Variants in SLC5A9 observed in about 807,000 individuals in gnomAD.
The protein encoded by SLC5A9 is solute carrier family 5 member 9, also known as sodium/glucose cotransporter 4.
A neutral mutation model predicts 70.9 loss-of-function variants in SLC5A9; 59 were observed. That is an observed-to-expected ratio of 0.83 (90% CI 0.68 to 1.03). The LOEUF is 1.03. Ranked by LOEUF, SLC5A9 falls within the 50% of genes least tolerant of loss-of-function variation. The probability of loss-of-function intolerance (pLI) is 0.00; values close to 1 mark genes in which losing one functional copy is unlikely to be tolerated. For synonymous variants in SLC5A9, 340 were observed against 346.5 expected (o/e 0.98, Z 0.21); for missense variants, 832 against 881.1 (o/e 0.94, Z 0.71).
Position 48,230,642 on chromosome 1 carries a change from G to A in SLC5A9, c.547G>A (p.Gly183Ser). The change falls in exon 5 of 14, where the codon GGC (glycine) becomes AGC (serine). Residue 183 changes from glycine to serine, a missense_variant. Gly to Ser is a moderately conservative substitution (Grantham distance 56). Transcript: ENST00000438567. ...AGCCCTCTTCATCCAGATGGCATTG[G>A]GCTGGAACCTGTACCTCTCCACAGG... The part of the protein sequence containing the change: ...SGALFIQMAL[G>S]WNLYLSTGIL... The A allele has an allele frequency of 6.2e-7, 1 of 1,614,114 alleles. No homozygotes were observed. Among genetic ancestry groups the A allele is most frequent in the Non-Finnish European group, 8.5e-7 (1 of 1,180,018 alleles).
In SLC5A9 at chr1:48,247,434, A is replaced by G. The variant is rs1476849415; in HGVS notation, c.1937A>G (p.Glu646Gly). ...ALSPAEKAAL[E>G]QKLTSIEEEP... ...AGCCCAGCAGAGAAGGCTGCGCTAG[A>G]ACAGAAGCTGACAAGCATTGAGGAG... Residue 646 changes from glutamate (E) to glycine (G), a missense_variant, in exon 14 of 14, where the codon GAA (glutamate) becomes GGA (glycine). Transcript: ENST00000438567. The G allele has an allele frequency of 6.2e-7, 1 of 1,614,044 alleles. No individual in the cohort carries two copies. Among genetic ancestry groups the G allele is most frequent in the Non-Finnish European group, 8.5e-7 (1 of 1,180,034 alleles).
chr1:48,227,201 T>TGTGC lies in SLC5A9; in HGVS notation c.235-1646_235-1645insCGTG, dbSNP rs569690850. ...CGTGTGTGTGTGTACTGTGCCTGTGTGTGAGTGCATGTGTGTGTGCATGTG... is the reference window on the plus strand; with the variant it reads ...CGTGTGTGTGTGTACTGTGCCTGTGTGTGCGTGAGTGCATGTGTGTGTGCATGTG... On this transcript the variant is annotated intron_variant, in intron 2 of 13. Coordinates refer to ENST00000438567, the MANE Select transcript of SLC5A9 (RefSeq NM_001011547.3). Among the ~76,000 whole-genome samples, 2,089 of 139,238 alleles carry TGTGC rather than the reference T, an allele frequency of 0.015. 112 individuals are homozygous for TGTGC. In the East Asian group the frequency reaches 0.16, roughly 11 times the overall value. 91.3% of individuals were successfully genotyped at this position (139,238 alleles called of 152,430 possible). A position where few individuals can be genotyped will look rare whatever the true frequency, so the allele number is the denominator to read the frequency against.
Position 48,222,877 on chromosome 1 carries a change from C to A in SLC5A9, c.141C>A (p.Phe47Leu). 6.2e-7 allele frequency: 1 copy of A among 1,614,014 alleles called. No individual in the cohort carries two copies. The highest frequency in any genetic ancestry group is 8.5e-7 in the Non-Finnish European group (1 of 1,179,990). ...GCGTGGTGGTCATCTACTTTGTCTT[C>A]GTCATTGCTGTGGGGATCTGGGTAA... ...DISVVVIYFV[F>L]VIAVGIWSSI... Residue 47 changes from phenylalanine (F) to leucine (L), a missense_variant, in exon 1 of 14, where the codon TTC (phenylalanine) becomes TTA (leucine). By Grantham distance (22) the Phe-to-Leu change is conservative. Transcript: ENST00000438567.
intron 4 of SLC5A9, among the ~76,000 whole-genome samples, chr1:48,230,244 G>A (rs1051329500): frequency 4.6e-5 from 7 of 152,154 alleles, no homozygotes; most frequent in Non-Finnish European, 1.0e-4. Context: ...CAACTCTCCG[G>A]TTCTTCCTCT....
At chr1:48,234,687 G>A (rs988687744) in intron 9 of SLC5A9, among the ~76,000 whole-genome samples, 2 of 152,150 alleles carry the variant, frequency 1.3e-5, no homozygotes, top group Non-Finnish European at 2.9e-5. Context: ...AGAGAGGTGG[G>A]ATTATGGAGG....
Position 48,239,658 on chromosome 1 carries a change from C to T in SLC5A9, c.1677+121C>T, listed in dbSNP as rs1644370402. On this transcript the variant is annotated intron_variant, in intron 12 of 13. Coordinates refer to ENST00000438567, the MANE Select transcript of SLC5A9 (RefSeq NM_001011547.3). The surrounding 1 kb of genome is among the most constrained non-coding windows in gnomAD (Gnocchi z 4.2). ...GTCTCCCCTGTGGCCACACAGATGT[C>T]CTTGGGAGGGAAAGTGCCTTGGGCT... is the stretch of plus-strand genomic sequence containing the variant. The T allele has an allele frequency of 5.5e-6, 5 of 914,836 alleles. No homozygotes were observed. Among genetic ancestry groups the T allele is most frequent in the Non-Finnish European group, 8.5e-6 (5 of 588,116 alleles). The allele number at this position is 914,836 out of a possible 1,614,324, so 56.7% of individuals were successfully genotyped here.
intron 2 of SLC5A9, 114 bp from the exon 3 acceptor site, chr1:48,228,736 C>G (rs1191158380): frequency 6.6e-7 from 1 of 1,507,396 alleles, no homozygotes. Context: ...AATGCAGTGC[C>G]TGGCATACAG....
rs768808902 is a variant in SLC5A9, at chr1:48,242,593, G to A, written c.1814G>A (p.Ser605Asn). 1.9e-6 allele frequency: 3 copies of A among 1,612,088 alleles called. No individual in the cohort carries two copies. In the African/African-American group the frequency reaches 4.0e-5, roughly 22 times the overall value. ...GGAGGTGGAGCGGCAGAGAACTCGA[G>A]CCTGGGCCAGGAGCAGCCTGAAGGT... ...PAGGGAAENS[S>N]LGQEQPEAPS... is the part of the protein sequence containing the mutation. Residue 605 changes from serine to asparagine, a missense_variant, in exon 13 of 14, where the codon AGC becomes AAC. By Grantham distance (46) the Ser-to-Asn change is conservative. Coordinates refer to ENST00000438567, the MANE Select transcript of SLC5A9 (RefSeq NM_001011547.3).
chr1:48,244,874 A>G (rs7413497), intron 13 of SLC5A9, among the ~76,000 whole-genome samples: 981 of 24,362 alleles, frequency 0.04, 185 homozygotes, highest in African/African-American at 0.14. Context: ...ATGTATGTGT[A>G]TGTGTATATA....
intron 2 of SLC5A9, among the ~76,000 whole-genome samples, chr1:48,226,278 C>T (rs1267586909): frequency 6.6e-6 from 1 of 152,238 alleles, no homozygotes; most frequent in Non-Finnish European, 1.5e-5. Context: ...GCAGGTTCCT[C>T]TGACCACTTC....
rs1468382099 is a variant in SLC5A9, at chr1:48,231,788, T to G, written c.692-158T>G. Reference sequence around the variant, plus strand: ...CCCAAAGAGCAGGGTTCTCGCTACTTCAAACCAAGGGTCTTGAGCCCAAGC... The same window carrying G: ...CCCAAAGAGCAGGGTTCTCGCTACTGCAAACCAAGGGTCTTGAGCCCAAGC... On this transcript the variant is annotated intron_variant, in intron 6 of 13. Coordinates refer to ENST00000438567, the MANE Select transcript of SLC5A9 (RefSeq NM_001011547.3). The G allele has an allele frequency of 6.6e-6, 10 of 1,505,784 alleles. No individual in the cohort carries two copies. In the Admixed American group the frequency reaches 2.1e-4, roughly 32 times the overall value. The allele number at this position is 1,505,784 out of a possible 1,614,324, so 93.3% of individuals were successfully genotyped here. A position where few individuals can be genotyped will look rare whatever the true frequency, so the allele number is the denominator to read the frequency against.
chr1:48,242,663 G>T, intron 13 of SLC5A9, 47 bp downstream of exon 13: 1 of 1,536,888 alleles, frequency 6.5e-7, no homozygotes, highest in Non-Finnish European at 8.8e-7. Flanking sequence ...GGAACAGGGG[G>T]GACAGACCTA....
intron 4 of SLC5A9, 115 bp downstream of exon 4, chr1:48,229,574 G>A: frequency 6.6e-7 from 1 of 1,512,952 alleles, no homozygotes; most frequent in Non-Finnish European, 8.9e-7. Flanking sequence ...TTGAAAAAAA[G>A]GAAAGCAGGA....
At position 48,247,613 on chromosome 1, in the gene SLC5A9, C is replaced by T. The variant is rs529113972; in HGVS notation, c.*70C>T. 25 of 1,473,806 alleles carry T rather than the reference C, an allele frequency of 1.7e-5. No homozygotes were observed. The Admixed American group carries it at 2.5e-4, about 15-fold the overall frequency. The allele number at this position is 1,473,806 out of a possible 1,614,324, so 91.3% of individuals were successfully genotyped here. ...AGCCTGTCAGCCACAGAAACAGGCT[C>T]TCCTCTTACTTTGCTGTCTAAACTG... On this transcript the variant is annotated 3_prime_UTR_variant, in exon 14 of 14. Coordinates refer to ENST00000438567, the MANE Select transcript of SLC5A9 (RefSeq NM_001011547.3).
At chr1:48,229,706 T>C (rs574732179) in intron 4 of SLC5A9, 2 of 554,786 alleles carry the variant, frequency 3.6e-6, no homozygotes, top group African/African-American at 3.7e-5. Context: ...AGTTCATTCA[T>C]TTATTTTTTC....
intron 2 of SLC5A9, among the ~76,000 whole-genome samples, chr1:48,226,285 C>T (rs146734030): frequency 6.6e-6 from 1 of 152,346 alleles, no homozygotes; most frequent in Admixed American, 6.5e-5. Context: ...CCTCTGACCA[C>T]TTCAGGAGAA....
intron 8 of SLC5A9, among the ~76,000 whole-genome samples, chr1:48,233,137 C>T (rs944879951): frequency 5.9e-5 from 9 of 151,808 alleles, no homozygotes; most frequent in South Asian, 2.1e-4. Flanking sequence ...CTGAGATGGG[C>T]GAATCATGAG....
intron 9 of SLC5A9, among the ~76,000 whole-genome samples, chr1:48,234,149 T>G (rs766310810): frequency 6.6e-6 from 1 of 152,106 alleles, no homozygotes; most frequent in African/African-American, 2.4e-5. Context: ...TGGAGCTACA[T>G]CCCGAGTTAA....
At chr1:48,237,178 G>C (rs764348762) in intron 10 of SLC5A9, among the ~76,000 whole-genome samples, 13 of 152,104 alleles carry the variant, frequency 8.5e-5, no homozygotes, top group Non-Finnish European at 1.5e-4. Context: ...TTGAGAAGGA[G>C]TCAGGTGAAT....
Sources: allele counts gnomAD v4.1 joint callset (sites outside exome capture counted in the v4.1 genomes callset), GRCh38; gene constraint gnomAD v4.1.1; non-coding constraint Gnocchi (gnomAD v3.1); transcripts MANE v1.5; gene names NCBI Gene and HGNC (gene_info 2026-07-23, HGNC 2026-07-21).